ERBB4: variants seen among roughly 807,000 people sequenced by gnomAD.
ERBB4 encodes the protein erb-b2 receptor tyrosine kinase 4.
Under a neutral mutation model 158.0 loss-of-function variants are expected in ERBB4, and 42 were observed. The observed-to-expected ratio is 0.27, with a 90% CI of 0.21 to 0.34. The LOEUF is 0.34. ERBB4 is among the 10% of genes least tolerant of loss of function. The pLI is 1.00. For missense variants in ERBB4, 1,333 were observed against 1,624.1 expected (o/e 0.82, Z 3.08); for synonymous variants, 583 against 558.7 (o/e 1.04, Z -0.61).
At chr2:211,411,067 C>G (rs893943971) in intron 25 of ERBB4, among the ~76,000 whole-genome samples, 1 of 152,122 alleles carries the variant, frequency 6.6e-6, no homozygotes, top group Non-Finnish European at 1.5e-5. Context: ...CGCCGCTACA[C>G]CCAGGTAATT....
chr2:211,878,041 G>C (rs371877902), intron 3 of ERBB4, among the ~76,000 whole-genome samples: 1 of 152,236 alleles, frequency 6.6e-6, no homozygotes. Flanking sequence ...CCAGGAGGCA[G>C]AGGTTGCAGT....
chr2:211,468,838 T>TAACAACAACAACACAACAAGGATAAC (rs5838267), intron 20 of ERBB4, among the ~76,000 whole-genome samples: 1 of 150,040 alleles, frequency 6.7e-6, no homozygotes, highest in South Asian at 2.1e-4. Flanking sequence ...TGCAGAAGAA[T>TAACAACAACAACACAACAAGGATAAC]AACAACAACA....
chr2:211,728,820 T>C (rs917947550), intron 5 of ERBB4, among the ~76,000 whole-genome samples: 6 of 151,844 alleles, frequency 4.0e-5, no homozygotes, highest in Non-Finnish European at 7.4e-5. Context: ...TTAAAGTAAC[T>C]AGACAAAATG....
chr2:212,475,204 T>C (rs571334706), intron 1 of ERBB4, among the ~76,000 whole-genome samples: 1 of 152,170 alleles, frequency 6.6e-6, no homozygotes, highest in Non-Finnish European at 1.5e-5. Flanking sequence ...ACAGGCAACC[T>C]GTGCAGTCAC....
chr2:212,223,697 C>T (rs955602408), intron 1 of ERBB4, among the ~76,000 whole-genome samples: 6 of 151,494 alleles, frequency 4.0e-5, no homozygotes, highest in Non-Finnish European at 8.9e-5. Flanking sequence ...CCCCTTAAGA[C>T]TTTAAAAAAT....
intron 1 of ERBB4, among the ~76,000 whole-genome samples, chr2:212,515,966 G>T (rs1045726078): frequency 5.9e-5 from 9 of 151,988 alleles, no homozygotes; most frequent in Admixed American, 2.0e-4. Flanking sequence ...TAAAGGAAGT[G>T]AATAAGTAAA....
intron 1 of ERBB4, among the ~76,000 whole-genome samples, chr2:212,274,996 C>T (rs2085475563): frequency 6.6e-6 from 1 of 151,886 alleles, no homozygotes; most frequent in South Asian, 2.1e-4. Flanking sequence ...TTGTTCAGCT[C>T]CCACTTAAGA....
chr2:212,444,588 A>T (rs192885366), intron 1 of ERBB4, among the ~76,000 whole-genome samples: 1 of 152,250 alleles, frequency 6.6e-6, no homozygotes, highest in African/African-American at 2.4e-5. Context: ...AATCAAGTGG[A>T]TATGATGATC....
At chr2:212,050,937 C>T (rs2077382793) in intron 2 of ERBB4, among the ~76,000 whole-genome samples, 1 of 152,136 alleles carries the variant, frequency 6.6e-6, no homozygotes, top group African/African-American at 2.4e-5. Context: ...AGAGAAGGTA[C>T]ACCTGCAAGC....
intron 16 of ERBB4, among the ~76,000 whole-genome samples, chr2:211,638,349 T>C (rs1394323063): frequency 6.6e-6 from 1 of 152,116 alleles, no homozygotes; most frequent in African/African-American, 2.4e-5. Flanking sequence ...TTTTAAGGGT[T>C]ACTGCCTGGG....
chr2:212,255,477 A>G (rs1203293701), intron 1 of ERBB4, among the ~76,000 whole-genome samples: 1 of 152,148 alleles, frequency 6.6e-6, no homozygotes, highest in Non-Finnish European at 1.5e-5. Flanking sequence ...AAATAAAACA[A>G]TTTGTATTTT....
chr2:212,100,494 C>T (rs189600149), intron 2 of ERBB4, among the ~76,000 whole-genome samples: 1 of 152,318 alleles, frequency 6.6e-6, no homozygotes, highest in African/African-American at 2.4e-5. Flanking sequence ...TACACTCCTA[C>T]AGTGTGTCTC....
chr2:212,225,209 TTC>T (rs763366320), intron 1 of ERBB4, among the ~76,000 whole-genome samples: 1 of 152,094 alleles, frequency 6.6e-6, no homozygotes. Flanking sequence ...ATTGTAATTG[TTC>T]TGTTAATAAA....
intron 12 of ERBB4, among the ~76,000 whole-genome samples, chr2:211,689,446 T>C (rs927539196): frequency 3.9e-5 from 6 of 152,034 alleles, no homozygotes; most frequent in African/African-American, 1.4e-4. Context: ...AATTCTCCCA[T>C]CTCTGTCTCC....
chr2:212,290,582 T>C (rs560403211), intron 1 of ERBB4, among the ~76,000 whole-genome samples: 1 of 152,280 alleles, frequency 6.6e-6, no homozygotes, highest in Non-Finnish European at 1.5e-5. Context: ...AGATCTCTTA[T>C]TTTCTAGTGC....
chr2:211,594,452 AAT>A (rs2068570986), intron 19 of ERBB4, among the ~76,000 whole-genome samples: 1 of 151,852 alleles, frequency 6.6e-6, no homozygotes, highest in African/African-American at 2.4e-5. Flanking sequence ...AAAAATAACA[AAT>A]AAAAAAAAAA....
At chr2:212,407,161 C>T (rs2091370641) in intron 1 of ERBB4, among the ~76,000 whole-genome samples, 1 of 150,830 alleles carries the variant, frequency 6.6e-6, no homozygotes, top group African/African-American at 2.4e-5. Context: ...TATAAATATA[C>T]ATTATCTATA....
chr2:211,535,961 T>C (rs1433829497), intron 20 of ERBB4, among the ~76,000 whole-genome samples: 3 of 136,388 alleles, frequency 2.2e-5, no homozygotes, highest in Non-Finnish European at 4.7e-5. Context: ...TTCTTGAAGA[T>C]ACATTTCCCT....
At chr2:212,182,579 A>G (rs544437940) in intron 1 of ERBB4, among the ~76,000 whole-genome samples, 12 of 151,842 alleles carry the variant, frequency 7.9e-5, no homozygotes, top group African/African-American at 2.7e-4. Context: ...TTTTATTTGC[A>G]TTTTTTATTA....
Sources: allele counts gnomAD v4.1 joint callset (sites outside exome capture counted in the v4.1 genomes callset), GRCh38; gene constraint gnomAD v4.1.1; transcripts MANE v1.5; gene names NCBI Gene and HGNC (gene_info 2026-07-23, HGNC 2026-07-21).